The following GRIK4 variants were observed in gnomAD, a reference collection of about 807,000 sequenced individuals.
GRIK4 encodes the protein glutamate ionotropic receptor kainate type subunit 4, also known as glutamate receptor ionotropic, kainate 4.
In GRIK4, 40 loss-of-function variants were observed where a neutral mutation model predicts 104.9. That is an observed-to-expected ratio of 0.38 (90% CI 0.30 to 0.50). GRIK4 has a LOEUF of 0.50. Among genes scored for constraint, GRIK4 ranks in the 20% least tolerant of loss-of-function variants. The pLI, the probability that GRIK4 is intolerant of heterozygous loss-of-function variation, is 0.93. For missense variants in GRIK4, 1,047 were observed against 1,308.1 expected (o/e 0.80, Z 3.08); for synonymous variants, 485 against 524.9 (o/e 0.92, Z 1.04).
At chr11:120,859,712 C>T (rs889666770) in intron 8 of GRIK4, among the ~76,000 whole-genome samples, 2 of 152,222 alleles carry the variant, frequency 1.3e-5, no homozygotes, top group African/African-American at 4.8e-5. Flanking sequence ...TTGTGCCTAC[C>T]GATAGCCCAC....
intron 1 of GRIK4, among the ~76,000 whole-genome samples, chr11:120,536,307 C>G (rs943082169): frequency 1.3e-5 from 2 of 152,146 alleles, no homozygotes; most frequent in African/African-American, 2.4e-5. Flanking sequence ...CAAGTTGGGC[C>G]CAAACCACCT....
intron 4 of GRIK4, among the ~76,000 whole-genome samples, chr11:120,808,887 C>T (rs1952769934): frequency 6.6e-6 from 1 of 152,138 alleles, no homozygotes; most frequent in South Asian, 2.1e-4. Flanking sequence ...CTCCCCAGTG[C>T]ACATCTCTGT....
intron 11 of GRIK4, among the ~76,000 whole-genome samples, chr11:120,892,433 T>A (rs1337337358): frequency 6.6e-6 from 1 of 151,782 alleles, no homozygotes; most frequent in Non-Finnish European, 1.5e-5. Flanking sequence ...AGGCCCAGAG[T>A]GAATTCTAGT....
Position 120,855,326 on chromosome 11 carries a change from C to A in GRIK4, c.745-6633C>A, listed in dbSNP as rs549572770. On this transcript the variant is annotated intron_variant, in intron 8 of 20. Transcript: ENST00000527524. The stretch of plus-strand genomic sequence containing the variant: ...TGCACCCTGGTACTTGCTGTGACTC[C>A]TTTTCTGGGTTCTTCATGCTGAACA... 2.0e-5 allele frequency among the ~76,000 whole-genome samples: 3 copies of A among 152,302 alleles called. No homozygotes were observed. The East Asian group carries it at 5.8e-4, about 29-fold the overall frequency.
At chr11:120,609,706 G>T (rs143478315) in intron 1 of GRIK4, among the ~76,000 whole-genome samples, 2,599 of 151,740 alleles carry the variant, frequency 0.017, 95 homozygotes, top group African/African-American at 0.059. Context: ...TACAGATGCG[G>T]TTTCACCATG....
intron 3 of GRIK4, among the ~76,000 whole-genome samples, chr11:120,721,698 G>A (rs534200520): frequency 6.6e-6 from 1 of 152,170 alleles, no homozygotes; most frequent in South Asian, 2.1e-4. Flanking sequence ...GGTCCAGAGT[G>A]GGAGATTCAA....
At chr11:120,859,323 T>TA (rs1341637853) in intron 8 of GRIK4, 3 of 152,072 alleles carry the variant, frequency 2.0e-5, no homozygotes, top group Non-Finnish European at 4.4e-5. Context: ...TGTTTCTTTT[T>TA]AAAAAACAAG....
At chr11:120,921,200 C>G (rs1465874851) in intron 13 of GRIK4, among the ~76,000 whole-genome samples, 1 of 152,132 alleles carries the variant, frequency 6.6e-6, no homozygotes, top group African/African-American at 2.4e-5. Flanking sequence ...CTAAAACCAC[C>G]TTGCTTATTA....
chr11:120,527,672 A>T (rs900323829), intron 1 of GRIK4, among the ~76,000 whole-genome samples: 2 of 152,238 alleles, frequency 1.3e-5, no homozygotes, highest in African/African-American at 4.8e-5. Context: ...CCTCGCTCAC[A>T]CTAAGCCACC....
At chr11:120,875,056 A>G in intron 10 of GRIK4, 83 bp from the exon 11 acceptor site, 1 of 861,050 alleles carries the variant, frequency 1.2e-6, no homozygotes, top group South Asian at 1.4e-5. Context: ...GCATCCTTAA[A>G]TAGCCCCTGT....
chr11:120,949,198 C>T (rs1351024404), intron 14 of GRIK4, among the ~76,000 whole-genome samples: 3 of 152,008 alleles, frequency 2.0e-5, no homozygotes, highest in Admixed American at 6.6e-5. Flanking sequence ...GGTTTAATGC[C>T]ACTTCATAGC....
At chr11:120,579,152 C>T (rs1225597113) in intron 1 of GRIK4, among the ~76,000 whole-genome samples, 1 of 152,058 alleles carries the variant, frequency 6.6e-6, no homozygotes, top group Admixed American at 6.5e-5. Context: ...GTGAACAAGG[C>T]TGCATGATGG....
chr11:120,746,116 A>G (rs187221124), intron 3 of GRIK4, among the ~76,000 whole-genome samples: 41 of 152,324 alleles, frequency 2.7e-4, no homozygotes, highest in African/African-American at 9.6e-4. Flanking sequence ...CTTTGTAAAG[A>G]ATAAGGTGCT....
Position 120,986,319 on chromosome 11 carries a change from G to A in GRIK4, c.*59G>A. 2 of 1,417,772 alleles carry A rather than the reference G, an allele frequency of 1.4e-6. No individual in the cohort carries two copies. The highest frequency in any genetic ancestry group is 1.8e-6 in the Non-Finnish European group (2 of 1,091,434). 87.8% of individuals were successfully genotyped at this position (1,417,772 alleles called of 1,614,324 possible). ...GGGGCGGGAGGGGAGGGGCGGGGCGGGCGCTGCTGTCAGCCGCCAGCCGGA... is the reference window on the plus strand; with the variant it reads ...GGGGCGGGAGGGGAGGGGCGGGGCGAGCGCTGCTGTCAGCCGCCAGCCGGA... On this transcript the variant is annotated 3_prime_UTR_variant, in exon 21 of 21. Coordinates refer to ENST00000527524, the MANE Select transcript of GRIK4 (RefSeq NM_014619.5).
intron 8 of GRIK4, among the ~76,000 whole-genome samples, chr11:120,850,059 C>T (rs747648814): frequency 6.6e-6 from 1 of 152,186 alleles, no homozygotes; most frequent in Non-Finnish European, 1.5e-5. Context: ...CCTCAAGAGA[C>T]CATTCTTGGG....
chr11:120,830,914 G>T (rs7938081), intron 6 of GRIK4, among the ~76,000 whole-genome samples: 1 of 134,904 alleles, frequency 7.4e-6, no homozygotes, highest in Non-Finnish European at 1.5e-5. Flanking sequence ...CATACCCTCT[G>T]CTGGCTGGCA....
At chr11:120,707,648 A>G (rs1260742227) in intron 3 of GRIK4, among the ~76,000 whole-genome samples, 6 of 152,234 alleles carry the variant, frequency 3.9e-5, no homozygotes, top group Admixed American at 2.6e-4. Flanking sequence ...ACTTTGGGCA[A>G]GGCTCAGTAG....
At chr11:120,864,407 A>AT (rs1162306531) in intron 9 of GRIK4, among the ~76,000 whole-genome samples, 7 of 151,634 alleles carry the variant, frequency 4.6e-5, no homozygotes, top group South Asian at 2.1e-4. Context: ...TGCCTGGCTA[A>AT]TTTTTTGTAT....
intron 17 of GRIK4, 107 bp downstream of exon 17, chr11:120,961,181 T>A: frequency 9.4e-7 from 1 of 1,062,224 alleles, no homozygotes; most frequent in South Asian, 1.4e-5. Flanking sequence ...TTATCTCTTT[T>A]GAACATATAG....
Sources: allele counts gnomAD v4.1 joint callset (sites outside exome capture counted in the v4.1 genomes callset), GRCh38; gene constraint gnomAD v4.1.1; transcripts MANE v1.5; gene names NCBI Gene and HGNC (gene_info 2026-07-23, HGNC 2026-07-21).